Variants in ZFHX3 observed in about 807,000 individuals in gnomAD.
ZFHX3 encodes zinc finger homeobox protein 3.
A neutral mutation model predicts 279.1 loss-of-function variants in ZFHX3; 42 were observed. The observed-to-expected ratio is 0.15, with a 90% CI of 0.12 to 0.19. The LOEUF (loss-of-function observed/expected upper bound fraction) is 0.19, where lower values mean the gene tolerates loss of function less well. Ranked by LOEUF, ZFHX3 falls within the 10% of genes least tolerant of loss-of-function variation. The probability of loss-of-function intolerance (pLI) is 1.00; values close to 1 mark genes in which losing one functional copy is unlikely to be tolerated. For missense variants in ZFHX3, 4,981 were observed against 4,754.0 expected, an observed-to-expected ratio of 1.05 and a Z score of -1.40; for synonymous variants, 2,293 against 1,957.8, an observed-to-expected ratio of 1.17 and a Z score of -4.52.
intron 3 of ZFHX3, among the ~76,000 whole-genome samples, chr16:73,453,885 A>C (rs1418872273): frequency 2.6e-5 from 4 of 152,170 alleles, no homozygotes; most frequent in Non-Finnish European, 5.9e-5. Flanking sequence ...ACAGCACAGA[A>C]AAGACCCACC....
chr16:73,015,239 G>A (rs541535660), intron 1 of ZFHX3: 21 of 151,928 alleles, frequency 1.4e-4, no homozygotes, highest in African/African-American at 4.6e-4. Context: ...TAGAGACAGG[G>A]TTTTGCTGTG....
intron 2 of ZFHX3, among the ~76,000 whole-genome samples, chr16:73,513,867 G>A (rs2019475810): frequency 1.3e-5 from 2 of 152,090 alleles, no homozygotes; most frequent in Non-Finnish European, 2.9e-5. Flanking sequence ...CACAGCCCAT[G>A]GACTGTCAGC....
At chr16:73,119,456 G>A (rs2144806732) in intron 7 of ZFHX3, among the ~76,000 whole-genome samples, 1 of 152,276 alleles carries the variant, frequency 6.6e-6, no homozygotes, top group African/African-American at 2.4e-5. Context: ...CAGCCACACT[G>A]TGTCTCCAAG....
At position 72,796,753 on chromosome 16, in the gene ZFHX3, C is replaced by T. The variant is rs1229126579; in HGVS notation, c.5929G>A (p.Gly1977Arg). 13 of 1,613,580 alleles carry T rather than the reference C, an allele frequency of 8.1e-6. No individual in the cohort carries two copies. The highest frequency in any genetic ancestry group is 1.6e-4 in the Middle Eastern group (1 of 6,084). The change falls in exon 9 of 10, where the codon GGA (glycine) becomes AGA (arginine). Residue 1977 changes from glycine to arginine, a missense_variant. Gly to Arg is a moderately radical substitution (Grantham distance 125). This residue lies in a region of ZFHX3 where 1,751 missense variants were observed against 1,770.0 expected (regional missense o/e 0.99). Transcript: ENST00000268489. ...VQKKNGKTDQ[G>R]ENLEKLECDS... ...CACTCGAGCTTTTCCAGGTTCTCTCCCTGGTCAGTCTTCCCATTCTTTTTC... is the reference window on the plus strand; with the variant it reads ...CACTCGAGCTTTTCCAGGTTCTCTCTCTGGTCAGTCTTCCCATTCTTTTTC...
In ZFHX3 at chr16:73,549,134, T is replaced by C. The variant is rs547184734; in HGVS notation, c.-1546-92876A>G. On this transcript the variant is annotated intron_variant, in intron 2 of 17. Transcript: ENST00000641206. Reference sequence around the variant, plus strand: ...ATATTCAGATACACAGTTTTGAAAATATTCACCTCTTAGGTGAGGATCGTC... The same window carrying C: ...ATATTCAGATACACAGTTTTGAAAACATTCACCTCTTAGGTGAGGATCGTC... Among the ~76,000 whole-genome samples, 6 of 152,296 alleles carry C rather than the reference T, an allele frequency of 3.9e-5. No individual in the cohort carries two copies. In the South Asian group the frequency reaches 6.2e-4, roughly 16 times the overall value.
At chr16:73,182,512 C>T (rs1016297010) in intron 5 of ZFHX3, among the ~76,000 whole-genome samples, 4 of 151,910 alleles carry the variant, frequency 2.6e-5, no homozygotes, top group African/African-American at 9.7e-5. Flanking sequence ...ATAGAACTAC[C>T]ATCCGATCTA....
intron 7 of ZFHX3, chr16:73,127,715 G>C (rs1966595609): frequency 1.1e-6 from 1 of 924,660 alleles, no homozygotes; most frequent in African/African-American, 1.7e-5. Flanking sequence ...AGTAAGGGCT[G>C]TTGAAACTAA....
chr16:73,427,943 A>T (rs1201762320), intron 3 of ZFHX3, among the ~76,000 whole-genome samples: 4 of 152,116 alleles, frequency 2.6e-5, no homozygotes, highest in African/African-American at 9.7e-5. Context: ...ACTCTGTCTC[A>T]AAAAGAAAAA....
chr16:73,148,282 C>G (rs1311418934), intron 5 of ZFHX3, among the ~76,000 whole-genome samples: 2 of 152,192 alleles, frequency 1.3e-5, no homozygotes, highest in African/African-American at 4.8e-5. Flanking sequence ...ACACTCTTTC[C>G]TTTGTTTAAA....
chr16:73,732,751 G>A (rs2053579016), intron 1 of ZFHX3, among the ~76,000 whole-genome samples: 1 of 152,174 alleles, frequency 6.6e-6, no homozygotes, highest in South Asian at 2.1e-4. Flanking sequence ...TTCTCCTAAA[G>A]GACAGTTTGT....
chr16:73,252,514 G>A (rs1440448738), intron 5 of ZFHX3, among the ~76,000 whole-genome samples: 1 of 152,158 alleles, frequency 6.6e-6, no homozygotes, highest in Non-Finnish European at 1.5e-5. Flanking sequence ...AGGGAATATG[G>A]GGGCGGAAGT....
At chr16:73,860,938 T>C (rs2142389757) in intron 1 of ZFHX3, among the ~76,000 whole-genome samples, 1 of 152,092 alleles carries the variant, frequency 6.6e-6, no homozygotes, top group South Asian at 2.1e-4. Context: ...GTTTACTTTG[T>C]GTAGGTTCTA....
intron 1 of ZFHX3, among the ~76,000 whole-genome samples, chr16:73,034,073 G>C (rs1355105612): frequency 6.6e-6 from 1 of 151,580 alleles, no homozygotes; most frequent in Non-Finnish European, 1.5e-5. Context: ...GTCACTTCTG[G>C]GTGAACAAGA....
intron 1 of ZFHX3, among the ~76,000 whole-genome samples, chr16:73,766,516 G>A (rs1015627519): frequency 1.3e-5 from 2 of 152,076 alleles, no homozygotes; most frequent in Non-Finnish European, 2.9e-5. Context: ...GTGCATCTGG[G>A]GCCACCAATG....
chr16:73,802,877 G>C (rs937421263), intron 1 of ZFHX3, among the ~76,000 whole-genome samples: 1 of 152,094 alleles, frequency 6.6e-6, no homozygotes, highest in Non-Finnish European at 1.5e-5. Context: ...GAGTGCAATG[G>C]CACAATCTCG....
chr16:73,285,511 G>A (rs1259293524), intron 4 of ZFHX3, among the ~76,000 whole-genome samples: 2 of 152,254 alleles, frequency 1.3e-5, no homozygotes, highest in Admixed American at 6.5e-5. Context: ...GCTCTGTGGG[G>A]TGTGTCAGGA....
intron 3 of ZFHX3, among the ~76,000 whole-genome samples, chr16:72,929,063 C>T (rs559267233): frequency 9.7e-4 from 147 of 152,060 alleles, no homozygotes; most frequent in Non-Finnish European, 1.6e-3. Flanking sequence ...CAGGGAGACA[C>T]TCCATCTCTA....
intron 3 of ZFHX3, among the ~76,000 whole-genome samples, chr16:73,349,081 G>A (rs1215474223): frequency 6.6e-6 from 1 of 152,196 alleles, no homozygotes; most frequent in African/African-American, 2.4e-5. Flanking sequence ...AAACAGAACA[G>A]ATTCCCAAGG....
intron 5 of ZFHX3, among the ~76,000 whole-genome samples, chr16:73,178,929 G>T (rs1001997666): frequency 6.6e-6 from 1 of 152,052 alleles, no homozygotes; most frequent in African/African-American, 2.4e-5. Flanking sequence ...GTTATATGAA[G>T]CACTGTTTAG....
Sources: gnomAD v4.1 joint callset for allele counts (sites outside exome capture counted in the v4.1 genomes callset) on GRCh38, gnomAD v4.1.1 for gene constraint, gnomAD v4.1.1 regional missense constraint, MANE v1.5 for transcripts, NCBI Gene and HGNC (gene_info 2026-07-23, HGNC 2026-07-21) for gene names.